TRPM3: variants seen among roughly 807,000 people sequenced by gnomAD.
The protein encoded by TRPM3 is long transient receptor potential channel 3.
In TRPM3, 77 loss-of-function variants were observed where a neutral mutation model predicts 181.2. The ratio of observed to expected loss-of-function variants is 0.42; its 90% CI spans 0.35 to 0.51. The LOEUF (loss-of-function observed/expected upper bound fraction) is 0.51. Among genes scored for constraint, TRPM3 ranks in the 20% least tolerant of loss-of-function variants. The pLI, the probability that TRPM3 is intolerant of heterozygous loss-of-function variation, is 0.01. For synonymous variants in TRPM3, 745 were observed against 796.4 expected, an observed-to-expected ratio of 0.94 and a Z score of 1.09; for missense variants, 1,759 against 2,196.7, an observed-to-expected ratio of 0.80 and a Z score of 3.98.
At chr9:70,879,746 C>T (rs1282706301) in intron 1 of TRPM3, among the ~76,000 whole-genome samples, 1 of 152,110 alleles carries the variant, frequency 6.6e-6, no homozygotes, top group African/African-American at 2.4e-5. Flanking sequence ...GAACACCTTG[C>T]TCTTTTATTT....
intron 1 of TRPM3, among the ~76,000 whole-genome samples, chr9:71,198,364 T>C (rs527427165): frequency 8.5e-5 from 13 of 152,238 alleles, no homozygotes; most frequent in Non-Finnish European, 4.4e-5. Flanking sequence ...GGCTCTTTTT[T>C]GGTTCCATAT....
chr9:70,621,369 G>A (rs923904763), intron 14 of TRPM3, 96 bp from the exon 15 acceptor site: 113 of 960,706 alleles, frequency 1.2e-4, no homozygotes, highest in Non-Finnish European at 1.5e-4. Flanking sequence ...GTTTTGTTTT[G>A]TTTTGTTTTT....
intron 1 of TRPM3, among the ~76,000 whole-genome samples, chr9:71,120,611 T>C (rs764166898): frequency 5.3e-5 from 8 of 152,212 alleles, no homozygotes; most frequent in Non-Finnish European, 1.0e-4. Context: ...CTCACATTTT[T>C]ATGCCTTTTC....
chr9:71,244,567 C>T (rs890277826), intron 1 of TRPM3, among the ~76,000 whole-genome samples: 1 of 152,138 alleles, frequency 6.6e-6, no homozygotes, highest in Admixed American at 6.5e-5. Context: ...CATCAAAAAC[C>T]CATTGGGAAC....
chr9:70,564,053 A>T (rs1038447566), intron 22 of TRPM3, among the ~76,000 whole-genome samples: 1 of 152,186 alleles, frequency 6.6e-6, no homozygotes, highest in African/African-American at 2.4e-5. Context: ...CTTGCCTAGT[A>T]GTTTCATCAG....
chr9:70,975,947 GC>G (rs1365794213), intron 1 of TRPM3, among the ~76,000 whole-genome samples: 3 of 152,154 alleles, frequency 2.0e-5, no homozygotes, highest in Admixed American at 6.5e-5. Flanking sequence ...AAAGCGTCAA[GC>G]ATAGTGGATA....
intron 1 of TRPM3, among the ~76,000 whole-genome samples, chr9:70,899,231 C>T (rs1484026268): frequency 6.6e-6 from 1 of 152,206 alleles, no homozygotes; most frequent in East Asian, 1.9e-4. Flanking sequence ...ACTGATTGTA[C>T]ACTTGTCACC....
intron 1 of TRPM3, among the ~76,000 whole-genome samples, chr9:71,105,080 A>G (rs562972203): frequency 2.6e-4 from 39 of 152,324 alleles, no homozygotes; most frequent in African/African-American, 9.1e-4. Flanking sequence ...CCAAATGTCT[A>G]CTAACAGGAA....
At chr9:70,745,742 G>A (rs2075040577) in intron 8 of TRPM3, among the ~76,000 whole-genome samples, 2 of 152,118 alleles carry the variant, frequency 1.3e-5, no homozygotes, top group African/African-American at 2.4e-5. Context: ...GTTAAACAGG[G>A]AAGGCATTGG....
At chr9:71,372,416 C>T (rs189770903) in intron 1 of TRPM3, among the ~76,000 whole-genome samples, 3 of 152,270 alleles carry the variant, frequency 2.0e-5, no homozygotes, top group Non-Finnish European at 4.4e-5. Context: ...ACACTGTCTT[C>T]CACAATAGCT....
At chr9:70,541,059 C>T (rs772544511) in intron 25 of TRPM3, among the ~76,000 whole-genome samples, 11 of 152,150 alleles carry the variant, frequency 7.2e-5, no homozygotes, top group South Asian at 2.1e-4. Context: ...GTTGCCTGGA[C>T]GTAGGCAGTA....
chr9:70,701,337 T>A (rs1338862041), intron 8 of TRPM3, among the ~76,000 whole-genome samples: 1 of 152,174 alleles, frequency 6.6e-6, no homozygotes, highest in Non-Finnish European at 1.5e-5. Context: ...AGAGTTCACG[T>A]GTCTGCTATT....
At chr9:70,640,703 C>T (rs911371871) in intron 9 of TRPM3, 43 bp from the exon 10 acceptor site, 13 of 1,508,606 alleles carry the variant, frequency 8.6e-6, no homozygotes, top group South Asian at 1.1e-5. Flanking sequence ...AGAGAGAAAA[C>T]GACGATCAGT....
At chr9:71,058,387 G>C (rs79927695) in intron 1 of TRPM3, among the ~76,000 whole-genome samples, 2,073 of 152,112 alleles carry the variant, frequency 0.014, 36 homozygotes, top group African/African-American at 0.048. Context: ...CTGCACAGCT[G>C]CACAGCTGCA....
At chr9:70,605,331 G>A (rs2060857305) in intron 19 of TRPM3, among the ~76,000 whole-genome samples, 1 of 152,116 alleles carries the variant, frequency 6.6e-6, no homozygotes, top group Non-Finnish European at 1.5e-5. Context: ...CACAACTGTT[G>A]CACAAAAGTC....
At chr9:71,346,325 C>CCTT (rs1419657825) in intron 1 of TRPM3, among the ~76,000 whole-genome samples, 1 of 152,048 alleles carries the variant, frequency 6.6e-6, no homozygotes, top group Non-Finnish European at 1.5e-5. Flanking sequence ...AAATCTTGAC[C>CCTT]CTTCTTGTTA....
At chr9:70,950,263 C>G (rs1407184894) in intron 1 of TRPM3, among the ~76,000 whole-genome samples, 1 of 152,114 alleles carries the variant, frequency 6.6e-6, no homozygotes, top group African/African-American at 2.4e-5. Context: ...CACAGCAGAA[C>G]TTGACTTAAG....
chr9:70,984,476 T>G, intron 1 of TRPM3, among the ~76,000 whole-genome samples: 1 of 152,192 alleles, frequency 6.6e-6, no homozygotes, highest in Non-Finnish European at 1.5e-5. Flanking sequence ...AATCACAAAA[T>G]TCAAAGGAAG....
At chr9:71,185,685 C>T (rs765155121) in intron 1 of TRPM3, among the ~76,000 whole-genome samples, 1 of 151,958 alleles carries the variant, frequency 6.6e-6, no homozygotes, top group Non-Finnish European at 1.5e-5. Context: ...TGTGTAGTCT[C>T]ATTGCATATG....
Sources: allele counts gnomAD v4.1 joint callset (sites outside exome capture counted in the v4.1 genomes callset), GRCh38; gene constraint gnomAD v4.1.1; transcripts MANE v1.5; gene names NCBI Gene and HGNC (gene_info 2026-07-23, HGNC 2026-07-21).